The following DPF2 variants were observed in gnomAD, a reference collection of about 807,000 sequenced individuals.
DPF2 encodes the protein double PHD fingers 2, also known as zinc finger protein ubi-d4.
DPF2 carries 10 observed loss-of-function variants against 59.6 expected under a neutral mutation model. The ratio of observed to expected loss-of-function variants is 0.17; its 90% CI spans 0.10 to 0.28. The LOEUF (loss-of-function observed/expected upper bound fraction) is 0.28. DPF2 is among the 10% of genes least tolerant of loss of function. The pLI is 1.00. For synonymous variants in DPF2, 189 were observed against 190.6 expected (o/e 0.99, Z 0.07); for missense variants, 315 against 509.4 (o/e 0.62, Z 3.67).
At chr11:65,348,653 A>T in intron 9 of DPF2, 197 bp from the exon 10 acceptor site, 1 of 453,894 alleles carries the variant, frequency 2.2e-6, no homozygotes, top group Non-Finnish European at 3.9e-6. Context: ...TTGATCAATT[A>T]GGAGCTCTGA....
In DPF2 at chr11:65,353,464, C is replaced by T. The variant is rs1252102160; in HGVS notation, c.*1705C>T. Among the ~76,000 whole-genome samples the T allele has an allele frequency of 2.6e-5, 4 of 152,214 alleles. No individual in the cohort carries two copies. The highest frequency in any genetic ancestry group is 5.9e-5 in the Non-Finnish European group (4 of 68,042). ...TCTTGCAGGAGCAGGGTCTGTGTGG[C>T]TTCAGTTGCCTGCAGCGCTCCCAGG... On this transcript the variant is annotated 3_prime_UTR_variant, in exon 11 of 11. Transcript: ENST00000528416.
Position 65,343,518 on chromosome 11 carries a change from A to G in DPF2, c.466-227A>G, listed in dbSNP as rs1248304250. On this transcript the variant is annotated intron_variant, in intron 4 of 10. Coordinates refer to ENST00000528416, the MANE Select transcript of DPF2 (RefSeq NM_006268.5). ...GGCCATGTGGCATGGTGGGGAAAGC[A>G]TTTCAGGCTAAGGAAATAACGTGAA... 17 of 555,844 alleles carry G rather than the reference A, an allele frequency of 3.1e-5. 1 individual carries two copies. In the Admixed American group the frequency reaches 5.3e-4, roughly 17 times the overall value. The allele number at this position is 555,844 out of a possible 1,614,324, so 34.4% of individuals were successfully genotyped here.
chr11:65,348,652 T>C (rs1854608670), intron 9 of DPF2, 198 bp from the exon 10 acceptor site: 1 of 469,248 alleles, frequency 2.1e-6, no homozygotes, highest in Non-Finnish European at 3.8e-6. Flanking sequence ...TTTGATCAAT[T>C]AGGAGCTCTG....
intron 4 of DPF2, among the ~76,000 whole-genome samples, chr11:65,342,748 C>T (rs1183709625): frequency 2.0e-5 from 3 of 151,750 alleles, no homozygotes; most frequent in South Asian, 2.1e-4. Context: ...CACGGTAGCT[C>T]ACGCCTGTAA....
Position 65,344,047 on chromosome 11 carries a change from G to C in DPF2, c.615G>C (p.Arg205=), listed in dbSNP as rs145009790. The C allele has an allele frequency of 3.7e-6, 6 of 1,614,216 alleles. No homozygotes were observed. Among genetic ancestry groups the C allele is most frequent in the Non-Finnish European group, 3.4e-6 (4 of 1,180,044 alleles). Residue 205 remains arginine, a synonymous_variant, in exon 6 of 11, where the codon CGG becomes CGC. Coordinates refer to ENST00000528416, the MANE Select transcript of DPF2 (RefSeq NM_006268.5). ...KKLDASILED[R]DKPYACDICG... ...TGGATGCTTCCATCCTGGAGGACCG[G>C]GATAAGCCCTATGCCTGTGACAGTG...
rs181542187 is a variant in DPF2 at position 65,337,541 on chromosome 11, A to G, written c.33-2844A>G. On this transcript the variant is annotated intron_variant, in intron 1 of 10. Coordinates refer to ENST00000528416, the MANE Select transcript of DPF2 (RefSeq NM_006268.5). ...GAGAGAGAGAGAGAGAGAGAGAGAG[A>G]GAGAGAACAATGTTAATGTTAACTT... is the stretch of plus-strand genomic sequence containing the variant. 4.3e-3 allele frequency among the ~76,000 whole-genome samples: 585 copies of G among 137,258 alleles called. 4 individuals are homozygous for G. Among genetic ancestry groups the G allele is most frequent in the African/African-American group, 0.015 (556 of 36,542 alleles). 90.0% of individuals were successfully genotyped at this position (137,258 alleles called of 152,430 possible).
intron 1 of DPF2, among the ~76,000 whole-genome samples, chr11:65,337,842 T>C (rs1034648422): frequency 6.6e-6 from 1 of 152,128 alleles, no homozygotes; most frequent in Non-Finnish European, 1.5e-5. Context: ...TTCGCTCTTG[T>C]TGCCCAGGCT....
At position 65,343,850 on chromosome 11, in the gene DPF2, C is replaced by T. The variant is rs886924776; in HGVS notation, c.558+13C>T. 5.1e-6 allele frequency: 8 copies of T among 1,582,328 alleles called. No homozygotes were observed. Among genetic ancestry groups the T allele is most frequent in the South Asian group, 1.1e-5 (1 of 87,500 alleles). The stretch of plus-strand genomic sequence containing the variant: ...GGGGAAATCCAAGGTGAGGGGCCAG[C>T]GTGCTGCCTGCATCTTGGGACAGGG... On this transcript the variant is annotated intron_variant, in intron 5 of 10. Transcript: ENST00000528416.
At chr11:65,343,588 G>T in intron 4 of DPF2, 157 bp from the exon 5 acceptor site, 5 of 648,690 alleles carry the variant, frequency 7.7e-6, no homozygotes, top group Non-Finnish European at 1.4e-5. Context: ...AGCAGGAGCA[G>T]GATTATAGCA....
chr11:65,343,118 G>A (rs1329349567), intron 4 of DPF2, among the ~76,000 whole-genome samples: 2 of 151,970 alleles, frequency 1.3e-5, no homozygotes, highest in Non-Finnish European at 2.9e-5. Flanking sequence ...TGACCAAGAT[G>A]AAGAAACCCC....
At chr11:65,341,358 C>T (rs1376948577) in intron 3 of DPF2, 41 bp from the exon 4 acceptor site, 9 of 1,611,592 alleles carry the variant, frequency 5.6e-6, no homozygotes, top group Non-Finnish European at 7.6e-6. Context: ...AGTCTGCTTT[C>T]AGCCCTTTTG....
chr11:65,344,471 C>T, intron 6 of DPF2: 1 of 1,066,480 alleles, frequency 9.4e-7, no homozygotes, highest in Non-Finnish European at 1.4e-6. Context: ...CCTGGGAGCA[C>T]CATCGCCGCT....
chr11:65,346,471 C>T (rs1418407161), intron 9 of DPF2, 112 bp downstream of exon 9: 19 of 871,550 alleles, frequency 2.2e-5, no homozygotes, highest in Admixed American at 4.9e-5. Flanking sequence ...ATCCCTCCCA[C>T]ATGCCACACG....
At chr11:65,346,712 A>G (rs1854542493) in intron 9 of DPF2, 1 of 177,210 alleles carries the variant, frequency 5.6e-6, no homozygotes, top group Non-Finnish European at 1.2e-5. Context: ...ATAATTGCAT[A>G]AGTGATTTAT....
chr11:65,350,625 A>G (rs1854668739), intron 10 of DPF2, among the ~76,000 whole-genome samples: 2 of 149,192 alleles, frequency 1.3e-5, no homozygotes, highest in Non-Finnish European at 3.0e-5. Flanking sequence ...CAAGTGATCC[A>G]CCCACCTCAG....
At chr11:65,338,291 T>C (rs1854265670) in intron 1 of DPF2, among the ~76,000 whole-genome samples, 2 of 152,130 alleles carry the variant, frequency 1.3e-5, no homozygotes. Context: ...TCTTGTTCTC[T>C]CTTCATGAGA....
intron 1 of DPF2, among the ~76,000 whole-genome samples, chr11:65,334,241 C>G (rs1565523111): frequency 6.6e-6 from 1 of 152,222 alleles, no homozygotes; most frequent in African/African-American, 2.4e-5. Context: ...CGGTCCTCTC[C>G]CGAGACGCCT....
At chr11:65,342,901 C>G (rs1365532972) in intron 4 of DPF2, among the ~76,000 whole-genome samples, 1 of 150,678 alleles carries the variant, frequency 6.6e-6, no homozygotes, top group Non-Finnish European at 1.5e-5. Flanking sequence ...GCAGTCCCAG[C>G]TACTCAGGCG....
intron 1 of DPF2, among the ~76,000 whole-genome samples, chr11:65,338,646 C>T (rs751210033): frequency 2.6e-5 from 4 of 152,178 alleles, no homozygotes; most frequent in African/African-American, 7.2e-5. Flanking sequence ...ACGTGAGATT[C>T]GTGCCTACCT....
Sources: allele counts gnomAD v4.1 joint callset (sites outside exome capture counted in the v4.1 genomes callset), GRCh38; gene constraint gnomAD v4.1.1; transcripts MANE v1.5; gene names NCBI Gene and HGNC (gene_info 2026-07-23, HGNC 2026-07-21).